DOCK4: variants seen among roughly 807,000 people sequenced by gnomAD.
The protein encoded by DOCK4 is dedicator of cytokinesis protein 4.
A neutral mutation model predicts 268.1 loss-of-function variants in DOCK4; 97 were observed. That is an observed-to-expected ratio of 0.36 (90% CI 0.31 to 0.43). The LOEUF is 0.43. Among genes scored for constraint, DOCK4 ranks in the 20% least tolerant of loss-of-function variants. The pLI, the probability that DOCK4 is intolerant of heterozygous loss-of-function variation, is 1.00. For synonymous variants in DOCK4, 954 were observed against 887.2 expected (o/e 1.08, Z -1.34); for missense variants, 2,145 against 2,455.7 (o/e 0.87, Z 2.67).
At chr7:111,748,220 G>A (rs749081519) in intron 42 of DOCK4, among the ~76,000 whole-genome samples, 12 of 152,050 alleles carry the variant, frequency 7.9e-5, no homozygotes, top group African/African-American at 1.4e-4. Flanking sequence ...GTTCATTCAG[G>A]CAAGGAAACA....
chr7:112,157,633 A>C (rs1385647339), intron 1 of DOCK4, among the ~76,000 whole-genome samples: 1 of 152,200 alleles, frequency 6.6e-6, no homozygotes, highest in South Asian at 2.1e-4. Context: ...CCTGAATAGA[A>C]GTTTACCAGG....
At chr7:112,134,455 C>T (rs1009531683) in intron 1 of DOCK4, among the ~76,000 whole-genome samples, 1 of 152,196 alleles carries the variant, frequency 6.6e-6, no homozygotes, top group Non-Finnish European at 1.5e-5. Flanking sequence ...CACGGTGGCT[C>T]ACGCCTGTAA....
chr7:111,850,031 C>T (rs1468068839), intron 23 of DOCK4, among the ~76,000 whole-genome samples: 4 of 152,138 alleles, frequency 2.6e-5, no homozygotes, highest in African/African-American at 9.7e-5. Flanking sequence ...GCTGCTATTT[C>T]TTATGCATTG....
At position 112,080,975 on chromosome 7, in the gene DOCK4, A is replaced by T. The variant is rs186833826; in HGVS notation, c.38-76844T>A. ...AAATAATTGTTCCATCTGCTCAACAATATAAAAGAAATTGTTAAAAGACAT... is the reference window on the plus strand; with the variant it reads ...AAATAATTGTTCCATCTGCTCAACATTATAAAAGAAATTGTTAAAAGACAT... On this transcript the variant is annotated intron_variant, in intron 1 of 52. Transcript: ENST00000428084. Among the ~76,000 whole-genome samples the T allele has an allele frequency of 5.3e-5, 8 of 152,280 alleles. No individual in the cohort carries two copies. The East Asian group carries it at 1.2e-3, about 22-fold the overall frequency.
At chr7:111,937,629 A>G (rs1389685947) in intron 11 of DOCK4, among the ~76,000 whole-genome samples, 1 of 152,230 alleles carries the variant, frequency 6.6e-6, no homozygotes, top group African/African-American at 2.4e-5. Flanking sequence ...TGGAAAGACT[A>G]CTTTAAGAAA....
chr7:111,905,849 T>C (rs914905048), intron 13 of DOCK4, among the ~76,000 whole-genome samples: 1 of 152,188 alleles, frequency 6.6e-6, no homozygotes, highest in Non-Finnish European at 1.5e-5. Flanking sequence ...TTACTGTTGA[T>C]GATGTTGTTA....
intron 1 of DOCK4, among the ~76,000 whole-genome samples, chr7:112,019,268 A>C (rs368777282): frequency 5.9e-5 from 9 of 152,204 alleles, no homozygotes; most frequent in African/African-American, 1.7e-4. Flanking sequence ...AAAAAGAAGA[A>C]TCAAGAGCTC....
At chr7:112,057,300 T>C (rs1805906422) in intron 1 of DOCK4, among the ~76,000 whole-genome samples, 2 of 152,108 alleles carry the variant, frequency 1.3e-5, no homozygotes, top group Admixed American at 6.6e-5. Flanking sequence ...CCCAACACTT[T>C]GGGACTTTGG....
chr7:112,091,387 G>A (rs554577235), intron 1 of DOCK4, among the ~76,000 whole-genome samples: 6 of 152,108 alleles, frequency 3.9e-5, no homozygotes, highest in East Asian at 1.9e-4. Context: ...TTCCTAGGCC[G>A]TCTTCACTCT....
At chr7:112,167,152 A>G (rs577636131) in intron 1 of DOCK4, among the ~76,000 whole-genome samples, 2 of 152,302 alleles carry the variant, frequency 1.3e-5, no homozygotes, top group East Asian at 3.9e-4. Flanking sequence ...CATCTCAATT[A>G]AGAGATGCTA....
chr7:111,728,440 C>A lies in DOCK4; in HGVS notation c.5762G>T (p.Arg1921Leu), dbSNP rs759774429. 6.3e-6 allele frequency: 10 copies of A among 1,596,852 alleles called. No individual in the cohort carries two copies. Among genetic ancestry groups the A allele is most frequent in the South Asian group, 1.1e-5 (1 of 88,338 alleles). The change falls in exon 53 of 53, where the codon CGC becomes CTC. Residue 1921 changes from arginine (R) to leucine (L), a missense_variant. Arg to Leu is a moderately radical substitution (Grantham distance 102, BLOSUM62 -2). Coordinates refer to ENST00000428084, the MANE Select transcript of DOCK4 (RefSeq NM_001363540.2). ...GAGGCTGTGAGGTAGCGGGACGGGG[C>A]GCCGCAGAGTCCGCTCGTAGACGCT... ...PYSVYERTLR[R>L]PVPLPHSLSI...
intron 1 of DOCK4, among the ~76,000 whole-genome samples, chr7:112,183,617 CT>C (rs1381898630): frequency 3.3e-5 from 5 of 152,184 alleles, no homozygotes; most frequent in African/African-American, 7.2e-5. Flanking sequence ...CATACCTAGT[CT>C]TGTCCAACAA....
intron 1 of DOCK4, among the ~76,000 whole-genome samples, chr7:112,053,994 T>C (rs1215490959): frequency 6.6e-6 from 1 of 152,074 alleles, no homozygotes; most frequent in Non-Finnish European, 1.5e-5. Context: ...TATGAAGCAC[T>C]CCTCTGAGAA....
intron 1 of DOCK4, among the ~76,000 whole-genome samples, chr7:112,140,808 C>T (rs537761640): frequency 6.6e-6 from 1 of 152,156 alleles, no homozygotes; most frequent in South Asian, 2.1e-4. Flanking sequence ...CCTTCCAACA[C>T]ACAGAACCAC....
chr7:111,848,132 T>A (rs1804262256), intron 23 of DOCK4, among the ~76,000 whole-genome samples: 1 of 152,256 alleles, frequency 6.6e-6, no homozygotes, highest in Admixed American at 6.5e-5. Context: ...CTATCCTTTG[T>A]CTGTAAATTC....
chr7:111,872,604 G>C, intron 17 of DOCK4, 40 bp from the exon 18 acceptor site: 1 of 1,491,590 alleles, frequency 6.7e-7, no homozygotes, highest in Non-Finnish European at 9.1e-7. Flanking sequence ...CCTTAATAGA[G>C]AACAGGTCCT....
intron 30 of DOCK4, among the ~76,000 whole-genome samples, chr7:111,801,409 T>TA (rs1800269549): frequency 6.6e-6 from 1 of 152,198 alleles, no homozygotes; most frequent in Non-Finnish European, 1.5e-5. Context: ...TTTCGCTCCT[T>TA]AAAACCACAC....
chr7:112,165,536 G>A (rs1236028463), intron 1 of DOCK4, among the ~76,000 whole-genome samples: 6 of 71,316 alleles, frequency 8.4e-5, no homozygotes, highest in African/African-American at 3.8e-4. Context: ...GTGTGTGTGT[G>A]TGTGTGTGTG....
In DOCK4 at chr7:112,066,676, CATATATACATATACATATATATATATAT is replaced by C. The variant is rs1176620194; in HGVS notation, c.38-62573_38-62546del. 9.2e-4 allele frequency among the ~76,000 whole-genome samples: 48 copies of C among 52,090 alleles called. 3 individuals are homozygous for C. Among genetic ancestry groups the C allele is most frequent in the African/African-American group, 4.3e-3 (35 of 8,232 alleles). The allele number at this position is 52,090 out of a possible 152,430, so 34.2% of individuals were successfully genotyped here. On this transcript the variant is annotated intron_variant, in intron 1 of 52. Coordinates refer to ENST00000428084, the MANE Select transcript of DOCK4 (RefSeq NM_001363540.2). ...TACACATATTATACATATACATATA[CATATATACATATACATATATATATATAT>C]ATATATATATATATATATATATATA...
Sources: allele counts gnomAD v4.1 joint callset (sites outside exome capture counted in the v4.1 genomes callset), GRCh38; gene constraint gnomAD v4.1.1; transcripts MANE v1.5; gene names NCBI Gene and HGNC (gene_info 2026-07-23, HGNC 2026-07-21).